AQP7: variants seen among roughly 807,000 people sequenced by gnomAD.
AQP7 encodes aquaporin-7.
In AQP7, 22 loss-of-function variants were observed where a neutral mutation model predicts 26.1. That is an observed-to-expected ratio of 0.84 (90% CI 0.60 to 1.20). The LOEUF is 1.20. Ranked by LOEUF, AQP7 falls within the 50% of genes most tolerant of loss-of-function variation. AQP7 has a pLI of 0.00. For synonymous variants in AQP7, 167 were observed against 181.7 expected (o/e 0.92, Z 0.65); for missense variants, 412 against 457.5 (o/e 0.90, Z 0.91).
intron 2 of AQP7, 118 bp from the exon 3 acceptor site, chr9:33,395,313 C>G (rs1217796442): frequency 2.5e-6 from 2 of 812,648 alleles, no homozygotes; most frequent in East Asian, 5.3e-5. Flanking sequence ...CCACACACGC[C>G]TCCTCTTGCG....
intron 3 of AQP7, among the ~76,000 whole-genome samples, chr9:33,393,475 C>T (rs1033673878): frequency 2.0e-5 from 3 of 152,188 alleles, no homozygotes; most frequent in African/African-American, 7.2e-5. Context: ...CTCCATGGGC[C>T]CCACCACACA....
intron 3 of AQP7, among the ~76,000 whole-genome samples, chr9:33,388,706 A>G (rs1825101281): frequency 6.6e-6 from 1 of 152,228 alleles, no homozygotes; most frequent in African/African-American, 2.4e-5. Flanking sequence ...GGTAATCTGA[A>G]GCTTAGAGAA....
intron 2 of AQP7, among the ~76,000 whole-genome samples, chr9:33,395,828 CAA>C (rs3065678): frequency 4.6e-5 from 7 of 152,226 alleles, no homozygotes; most frequent in East Asian, 1.9e-4. Flanking sequence ...AATGAATGAC[CAA>C]GAGAGAGGGA....
intron 3 of AQP7, chr9:33,394,148 C>G (rs150333675): frequency 6.6e-6 from 1 of 152,282 alleles, no homozygotes; most frequent in East Asian, 1.9e-4. Flanking sequence ...TGCTGGGCCC[C>G]GTGCTCCAGA....
intron 3 of AQP7, 133 bp from the exon 4 acceptor site, chr9:33,387,225 C>G (rs4008661): frequency 5.7e-6 from 6 of 1,050,562 alleles, no homozygotes; most frequent in Non-Finnish European, 8.3e-6. Context: ...CCCGCTGCCA[C>G]GCCCTCTTCC....
intron 3 of AQP7, among the ~76,000 whole-genome samples, chr9:33,387,794 C>T (rs1464528992): frequency 5.3e-5 from 8 of 152,078 alleles, no homozygotes; most frequent in Admixed American, 2.6e-4. Context: ...CAGAGGCCTC[C>T]GTCTCCCCCA....
Position 33,383,581 on chromosome 9 carries a change from G to C in AQP7, c.*1424C>G, listed in dbSNP as rs1242479633. 6.6e-6 allele frequency: 1 copy of C among 152,418 alleles called. No individual in the cohort carries two copies. Among genetic ancestry groups the C allele is most frequent in the African/African-American group, 2.4e-5 (1 of 41,406 alleles). 9.4% of individuals were successfully genotyped at this position (152,418 alleles called of 1,614,324 possible). ...CCCCGCTCTCGTCTCCACGCCCACG[G>C]TGCTGACCCATTGTTAGGTGCCCGG... On this transcript the variant is annotated 3_prime_UTR_variant, in exon 8 of 8. Transcript: ENST00000297988.
chr9:33,392,990 G>C (rs1380165999), intron 3 of AQP7, among the ~76,000 whole-genome samples: 3 of 152,366 alleles, frequency 2.0e-5, no homozygotes, highest in African/African-American at 7.2e-5. Context: ...CACTTTGGGA[G>C]GCTGAGGCAG....
chr9:33,394,327 T>G (rs961701951), intron 3 of AQP7: 1 of 152,270 alleles, frequency 6.6e-6, no homozygotes, highest in Non-Finnish European at 1.5e-5. Flanking sequence ...TTGCCAGCCT[T>G]GCCTGTTCTG....
intron 4 of AQP7, 40 bp from the exon 5 acceptor site, chr9:33,386,581 A>G (rs746736133): frequency 1.1e-5 from 18 of 1,596,370 alleles, no homozygotes; most frequent in Admixed American, 5.2e-5. Flanking sequence ...GTGAGAGCAG[A>G]ACAAACAACA....
chr9:33,388,317 G>A (rs575958430), intron 3 of AQP7, among the ~76,000 whole-genome samples: 28 of 151,960 alleles, frequency 1.8e-4, no homozygotes, highest in Non-Finnish European at 2.8e-4. Context: ...GAGCTTCCTC[G>A]CCATCCTCCC....
intron 2 of AQP7, among the ~76,000 whole-genome samples, chr9:33,399,725 A>C (rs201178574): frequency 7.9e-5 from 12 of 152,238 alleles, no homozygotes; most frequent in Non-Finnish European, 1.2e-4. Flanking sequence ...AATGGCAACA[A>C]CACCAGAGAG....
chr9:33,385,947 A>T, intron 6 of AQP7, 81 bp from the exon 7 acceptor site: 1 of 1,558,904 alleles, frequency 6.4e-7, no homozygotes, highest in Non-Finnish European at 8.7e-7. Context: ...ACCCAAGCCC[A>T]CCAGCAGAGA....
At position 33,386,988 on chromosome 9, in the gene AQP7, G is replaced by A. The variant is rs375803801; in HGVS notation, c.249C>T (p.His83=). ...ACTCACCAGAGATGCGGCCTGCCAC[G>A]TGCACTCCCATGGTGACTCCGAAGC... ...GFGFGVTMGV[H]VAGRISGAHM... Residue 83 remains histidine (H), a synonymous_variant, in exon 4 of 8, where the codon CAC becomes CAT. Transcript: ENST00000297988. 24 of 1,611,844 alleles carry A rather than the reference G, an allele frequency of 1.5e-5. No homozygotes were observed. The highest frequency in any genetic ancestry group is 4.5e-5 in the East Asian group (2 of 44,896).
At chr9:33,393,825 G>T in intron 3 of AQP7, 1 of 152,408 alleles carries the variant, frequency 6.6e-6, no homozygotes. Flanking sequence ...CGCTGCCCAC[G>T]CCGCTGACGG....
intron 2 of AQP7, among the ~76,000 whole-genome samples, chr9:33,400,297 T>C (rs1437794448): frequency 6.6e-6 from 1 of 151,818 alleles, no homozygotes; most frequent in Non-Finnish European, 1.5e-5. Context: ...AGAGGGGAAT[T>C]GGGAGTGCAG....
Position 33,384,213 on chromosome 9 carries a change from G to C in AQP7, c.*792C>G, listed in dbSNP as rs533505913. 6.6e-6 allele frequency: 1 copy of C among 152,272 alleles called. No individual in the cohort carries two copies. Among genetic ancestry groups the C allele is most frequent in the Admixed American group, 6.5e-5 (1 of 15,296 alleles). 9.4% of individuals were successfully genotyped at this position (152,272 alleles called of 1,614,324 possible). On this transcript the variant is annotated 3_prime_UTR_variant, in exon 8 of 8. Transcript: ENST00000297988. ...TTGGAGCCCTATGAGGCCTCTTCCT[G>C]TGTCTTCATGTGGTCGAAGGATTTC... is the stretch of plus-strand genomic sequence containing the variant.
At chr9:33,390,251 A>T (rs2989926) in intron 3 of AQP7, among the ~76,000 whole-genome samples, 42,771 of 151,734 alleles carry the variant, frequency 0.28, 6,272 homozygotes, top group African/African-American at 0.32. Flanking sequence ...AGGACAGAGA[A>T]AAAGGACAGA....
chr9:33,398,786 T>C (rs1423183014), intron 2 of AQP7, among the ~76,000 whole-genome samples: 1 of 151,648 alleles, frequency 6.6e-6, no homozygotes, highest in South Asian at 2.1e-4. Context: ...TCACAGATGG[T>C]CATCTGAGCC....
Sources: allele counts gnomAD v4.1 joint callset (sites outside exome capture counted in the v4.1 genomes callset), GRCh38; gene constraint gnomAD v4.1.1; transcripts MANE v1.5; gene names NCBI Gene and HGNC (gene_info 2026-07-23, HGNC 2026-07-21).